SHC4: variants seen among roughly 807,000 people sequenced by gnomAD.
SHC4 encodes the protein SHC-transforming protein 4.
In SHC4, 41 loss-of-function variants were observed where a neutral mutation model predicts 69.4. The ratio of observed to expected loss-of-function variants is 0.59; its 90% CI spans 0.46 to 0.77. The LOEUF is 0.77. Among genes scored for constraint, SHC4 ranks in the 30% least tolerant of loss-of-function variants. The pLI, the probability that SHC4 is intolerant of heterozygous loss-of-function variation, is 0.00. For missense variants in SHC4, 777 were observed against 783.8 expected (o/e 0.99, Z 0.10); for synonymous variants, 318 against 299.3 (o/e 1.06, Z -0.64).
Position 48,824,951 on chromosome 15 carries a change from G to C in SHC4, c.*1020C>G, listed in dbSNP as rs986391683. On this transcript the variant is annotated 3_prime_UTR_variant, in exon 12 of 12. Transcript: ENST00000332408. ...ATGTTTTTTTTTCCTTCTGCATTTT[G>C]TCTGATCATATCTATACGAGGTGCT... The C allele has an allele frequency of 2.6e-5, 4 of 151,082 alleles. No individual in the cohort carries two copies. The highest frequency in any genetic ancestry group is 5.9e-5 in the Non-Finnish European group (4 of 67,756). The allele number at this position is 151,082 out of a possible 1,614,324, so 9.4% of individuals were successfully genotyped here.
At chr15:48,857,553 G>C (rs1899348706) in intron 7 of SHC4, 139 bp downstream of exon 7, 1 of 717,346 alleles carries the variant, frequency 1.4e-6, no homozygotes, top group Non-Finnish European at 2.0e-6. Flanking sequence ...GTGTCTATTT[G>C]CAAGAAAAAA....
At position 48,875,053 on chromosome 15, in the gene SHC4, C is replaced by A. The variant is rs11630645; in HGVS notation, c.841-2911G>T. ...AAGGGGGAAAGATCCAGTGATGAGA[C>A]TGCAGAAGACTTTAAGACTGCCAAC... On this transcript the variant is annotated intron_variant, in intron 4 of 11. Coordinates refer to ENST00000332408, the MANE Select transcript of SHC4 (RefSeq NM_203349.4). 8.4e-3 allele frequency among the ~76,000 whole-genome samples: 1,279 copies of A among 152,320 alleles called. 22 individuals are homozygous for A. The highest frequency in any genetic ancestry group is 0.014 in the Non-Finnish European group (934 of 68,024).
chr15:48,843,694 C>G, intron 9 of SHC4, 106 bp from the exon 10 acceptor site: 2 of 1,075,484 alleles, frequency 1.9e-6, no homozygotes, highest in Non-Finnish European at 2.6e-6. Flanking sequence ...CCATGCCCCA[C>G]CCTATACAAT....
rs1555435743 is a variant in SHC4 at position 48,907,840 on chromosome 15, GTA to G, written c.657-17031_657-17030del. On this transcript the variant is annotated intron_variant, in intron 2 of 11. Coordinates refer to ENST00000332408, the MANE Select transcript of SHC4 (RefSeq NM_203349.4). ...TGTGTGTGTGTGTGTGTGTGTGTGT[GTA>G]TATATATATATATGTATATGTATGT... Among the ~76,000 whole-genome samples the G allele has an allele frequency of 9.0e-3, 1,280 of 142,110 alleles. 16 individuals carry two copies. The highest frequency in any genetic ancestry group is 0.029 in the African/African-American group (1,095 of 38,064). 93.2% of individuals were successfully genotyped at this position (142,110 alleles called of 152,430 possible).
chr15:48,891,734 T>C (rs189765093), intron 2 of SHC4, among the ~76,000 whole-genome samples: 3 of 152,338 alleles, frequency 2.0e-5, no homozygotes, highest in Non-Finnish European at 2.9e-5. Flanking sequence ...ACATGCAACA[T>C]TGTATTATAG....
At chr15:48,878,039 G>T (rs1899851051) in intron 4 of SHC4, 1 of 1,113,676 alleles carries the variant, frequency 9.0e-7, no homozygotes, top group African/African-American at 1.6e-5. Flanking sequence ...GGCGCGCCAA[G>T]TAGGAGGCGG....
At chr15:48,829,067 C>T (rs1454607677) in intron 11 of SHC4, among the ~76,000 whole-genome samples, 1 of 152,038 alleles carries the variant, frequency 6.6e-6, no homozygotes, top group Non-Finnish European at 1.5e-5. Flanking sequence ...GTGGAAATAC[C>T]AGTTTTCCTT....
intron 1 of SHC4, among the ~76,000 whole-genome samples, chr15:48,934,033 T>C (rs1354957327): frequency 2.6e-5 from 4 of 152,160 alleles, no homozygotes; most frequent in African/African-American, 4.8e-5. Context: ...CAATGGTTTC[T>C]TAGATATGAC....
At chr15:48,878,423 G>C in intron 4 of SHC4, 2 of 1,612,278 alleles carry the variant, frequency 1.2e-6, no homozygotes, top group East Asian at 2.2e-5. Flanking sequence ...CAACGCTGGG[G>C]AGCAGCCAGG....
intron 2 of SHC4, among the ~76,000 whole-genome samples, chr15:48,917,678 G>A (rs1304348465): frequency 2.0e-5 from 3 of 152,188 alleles, no homozygotes; most frequent in Non-Finnish European, 4.4e-5. Flanking sequence ...CTCCCCCAGG[G>A]ACTAAATCTA....
rs76670750 is a variant in SHC4 at position 48,930,069 on chromosome 15, T to A, written c.586-5120A>T. ...TACTTATGGGAAGTCTCATCCTAACTCTCTTACAGAATGATGACTACAAGC... is the reference window on the plus strand; with the variant it reads ...TACTTATGGGAAGTCTCATCCTAACACTCTTACAGAATGATGACTACAAGC... On this transcript the variant is annotated intron_variant, in intron 1 of 11. Coordinates refer to ENST00000332408, the MANE Select transcript of SHC4 (RefSeq NM_203349.4). Among the ~76,000 whole-genome samples the A allele has an allele frequency of 4.0e-3, 607 of 152,072 alleles. 7 individuals carry two copies. Among genetic ancestry groups the A allele is most frequent in the African/African-American group, 0.014 (580 of 41,468 alleles).
chr15:48,834,398 TTTATA>T (rs1256864143), intron 11 of SHC4, among the ~76,000 whole-genome samples: 1 of 152,220 alleles, frequency 6.6e-6, no homozygotes, highest in African/African-American at 2.4e-5. Flanking sequence ...CTCATTCAGC[TTTATA>T]TTATAATTAT....
chr15:48,878,167 G>A (rs766945593), intron 4 of SHC4: 1 of 1,542,160 alleles, frequency 6.5e-7, no homozygotes, highest in Non-Finnish European at 8.8e-7. Flanking sequence ...GAGGTTGAGC[G>A]GTTTGCACAA....
rs899797666 is a variant in SHC4, at chr15:48,963,187, C to T, written c.-172G>A. On this transcript the variant is annotated 5_prime_UTR_variant, in exon 1 of 12. Transcript: ENST00000332408. ...GCTCCCGGCCCCTTAAGGGTGACAG[C>T]CCATGGGGGAAACGCCTCCCCTGCT... 7 of 638,500 alleles carry T rather than the reference C, an allele frequency of 1.1e-5. No individual in the cohort carries two copies. In the African/African-American group the frequency reaches 1.1e-4, roughly 10 times the overall value. 39.6% of individuals were successfully genotyped at this position (638,500 alleles called of 1,614,324 possible).
intron 6 of SHC4, 95 bp from the exon 7 acceptor site, chr15:48,857,910 T>C (rs1899360802): frequency 2.0e-6 from 2 of 1,010,956 alleles, no homozygotes. Context: ...GAACTGATAA[T>C]TGAATAAAAG....
At chr15:48,897,689 A>G (rs1900247616) in intron 2 of SHC4, among the ~76,000 whole-genome samples, 1 of 149,584 alleles carries the variant, frequency 6.7e-6, no homozygotes, top group African/African-American at 2.5e-5. Flanking sequence ...AATGTGCAAC[A>G]TGAAACCAGG....
chr15:48,908,221 A>G (rs1314183505), intron 2 of SHC4, among the ~76,000 whole-genome samples: 1 of 151,864 alleles, frequency 6.6e-6, no homozygotes, highest in African/African-American at 2.4e-5. Context: ...CTGTTTTTTG[A>G]TTTTTTGATT....
chr15:48,910,124 G>T (rs1900481695), intron 2 of SHC4, among the ~76,000 whole-genome samples: 1 of 152,040 alleles, frequency 6.6e-6, no homozygotes. Flanking sequence ...AATGTCAAAA[G>T]GATTGGTACC....
Position 48,824,783 on chromosome 15 carries a change from G to A in SHC4, c.*1188C>T, listed in dbSNP as rs1337862057. On this transcript the variant is annotated 3_prime_UTR_variant, in exon 12 of 12. Transcript: ENST00000332408. Reference sequence around the variant, plus strand: ...AGCTCATTTTATTGCCAAGGAAACTGGAACCCAAACAGATTCAGCAACTTG... The same window carrying A: ...AGCTCATTTTATTGCCAAGGAAACTAGAACCCAAACAGATTCAGCAACTTG... 6.6e-6 allele frequency: 1 copy of A among 152,562 alleles called. No homozygotes were observed. The highest frequency in any genetic ancestry group is 6.5e-5 in the Admixed American group (1 of 15,270). The allele number at this position is 152,562 out of a possible 1,614,324, so 9.5% of individuals were successfully genotyped here.
Sources: allele counts gnomAD v4.1 joint callset (sites outside exome capture counted in the v4.1 genomes callset), GRCh38; gene constraint gnomAD v4.1.1; transcripts MANE v1.5; gene names NCBI Gene and HGNC (gene_info 2026-07-23, HGNC 2026-07-21).